The following GLI2 variants were observed in gnomAD, a reference collection of about 807,000 sequenced individuals.
The protein encoded by GLI2 is transcription activator GLI2.
A neutral mutation model predicts 78.9 loss-of-function variants in GLI2; 22 were observed. The observed-to-expected ratio is 0.28, with a 90% CI of 0.20 to 0.40. GLI2 has a LOEUF of 0.40. Among genes scored for constraint, GLI2 ranks in the 10% least tolerant of loss-of-function variants. The probability of loss-of-function intolerance (pLI) is 1.00; values close to 1 mark genes in which losing one functional copy is unlikely to be tolerated. For missense variants in GLI2, 2,097 were observed against 2,213.2 expected, an observed-to-expected ratio of 0.95 and a Z score of 1.05; for synonymous variants, 974 against 963.7, an observed-to-expected ratio of 1.01 and a Z score of -0.20.
chr2:120,975,203 G>A, intron 9 of GLI2, 94 bp downstream of exon 9: 1 of 1,257,098 alleles, frequency 8.0e-7, no homozygotes, highest in Non-Finnish European at 1.1e-6. Flanking sequence ...GACAGAAGGG[G>A]CTGGAGGAAG....
At chr2:120,830,528 C>G (rs1686308282) in intron 2 of GLI2, among the ~76,000 whole-genome samples, 1 of 152,256 alleles carries the variant, frequency 6.6e-6, no homozygotes, top group Non-Finnish European at 1.5e-5. Context: ...GGCCCCACGT[C>G]CATCCATGGG....
intron 2 of GLI2, among the ~76,000 whole-genome samples, chr2:120,829,827 G>A (rs1230122142): frequency 1.3e-5 from 2 of 152,166 alleles, no homozygotes; most frequent in East Asian, 3.9e-4. Flanking sequence ...AGTTCTCAGG[G>A]CTGGGGGCAC....
At chr2:120,788,163 C>CT (rs1421773539) in intron 1 of GLI2, among the ~76,000 whole-genome samples, 23 of 152,222 alleles carry the variant, frequency 1.5e-4, no homozygotes, top group African/African-American at 4.1e-4. Context: ...TCGACAGTTC[C>CT]TGACAGAGCT....
At chr2:120,862,571 C>A in intron 2 of GLI2, among the ~76,000 whole-genome samples, 1 of 152,200 alleles carries the variant, frequency 6.6e-6, no homozygotes, top group East Asian at 1.9e-4. Context: ...GGAGCCGGAG[C>A]CCTTGTGGGT....
chr2:120,793,043 C>A (rs12476855), intron 1 of GLI2, among the ~76,000 whole-genome samples: 16 of 152,226 alleles, frequency 1.1e-4, no homozygotes, highest in Middle Eastern at 6.8e-3. Flanking sequence ...TTCTTGCCAC[C>A]CCCTGCCTAG....
chr2:120,755,801 A>C (rs1015091438), intron 1 of GLI2, among the ~76,000 whole-genome samples: 5 of 152,148 alleles, frequency 3.3e-5, no homozygotes, highest in Non-Finnish European at 2.9e-5. Context: ...TTCTTTTAAA[A>C]AATTGTTCCA....
Position 120,811,844 on chromosome 2 carries a change from C to G in GLI2, c.148+14376C>G, listed in dbSNP as rs543776497. On this transcript the variant is annotated intron_variant, in intron 2 of 13. Coordinates refer to ENST00000361492, the MANE Select transcript of GLI2 (RefSeq NM_001374353.1). ...AGAAGATTCTTTTTCCTCCCTCCCT[C>G]CCTCCTTCCCTCCCTCTTTCCTTCT... Among the ~76,000 whole-genome samples the G allele has an allele frequency of 1.4e-4, 21 of 152,276 alleles. No individual in the cohort carries two copies. The South Asian group carries it at 4.4e-3, about 32-fold the overall frequency.
rs182255795 is a variant in GLI2 at position 120,800,738 on chromosome 2, C to T, written c.148+3270C>T. On this transcript the variant is annotated intron_variant, in intron 2 of 13. Transcript: ENST00000361492. The surrounding 1 kb of genome is among the most constrained non-coding windows in gnomAD (Gnocchi z 4.1). ...AGCCAGGATGGTCTCAATCTCCTGA[C>T]CTCATGATCCGCCCGCCTCAGCCTC... Among the ~76,000 whole-genome samples, 899 of 152,134 alleles carry T rather than the reference C, an allele frequency of 5.9e-3. 13 individuals are homozygous for T. The highest frequency in any genetic ancestry group is 0.017 in the Middle Eastern group (5 of 294).
intron 2 of GLI2, among the ~76,000 whole-genome samples, chr2:120,908,858 A>C (rs1301628330): frequency 6.6e-6 from 1 of 152,070 alleles, no homozygotes; most frequent in African/African-American, 2.4e-5. Flanking sequence ...CACTAAGGAG[A>C]GTGCTGAATG....
At chr2:120,751,541 T>C (rs540192250) in intron 1 of GLI2, among the ~76,000 whole-genome samples, 13 of 152,366 alleles carry the variant, frequency 8.5e-5, no homozygotes, top group African/African-American at 3.1e-4. Flanking sequence ...TCTGAGATTA[T>C]TAGTGTGCAT....
rs142883006 is a variant in GLI2 at position 120,859,693 on chromosome 2, G to A, written c.148+62225G>A. On this transcript the variant is annotated intron_variant, in intron 2 of 13. Transcript: ENST00000361492. ...TGGTCTCCATCTCTCGGCCTCAGGT[G>A]ATCCGCCCGCCTTGGCCTCCTAAAG... Among the ~76,000 whole-genome samples, 722 of 151,906 alleles carry A rather than the reference G, an allele frequency of 4.8e-3. 4 individuals carry two copies. Among genetic ancestry groups the A allele is most frequent in the Non-Finnish European group, 7.9e-3 (540 of 67,960 alleles).
intron 2 of GLI2, among the ~76,000 whole-genome samples, chr2:120,841,696 G>A (rs999723447): frequency 1.3e-5 from 2 of 152,240 alleles, no homozygotes; most frequent in African/African-American, 2.4e-5. Context: ...GTGCTGGCAG[G>A]ACAGAGGAGA....
chr2:120,988,425 G>A lies in GLI2; in HGVS notation c.2460G>A (p.Glu820=). 1 of 1,575,940 alleles carries A rather than the reference G, an allele frequency of 6.3e-7. No homozygotes were observed. ...ACTTCTCCAGCCGCCGCTCCAGCGA[G>A]GCCTCGCCCCTGGGCGCCGGCCGCC... ...SPYFSSRRSS[E]ASPLGAGRPH... The change falls in exon 14 of 14, where the codon GAG becomes GAA. Residue 820 remains glutamate (E), a synonymous_variant. Transcript: ENST00000361492.
intron 2 of GLI2, among the ~76,000 whole-genome samples, chr2:120,885,517 G>A (rs1478094385): frequency 6.6e-6 from 1 of 152,196 alleles, no homozygotes; most frequent in Non-Finnish European, 1.5e-5. Context: ...TGTTTTCATG[G>A]CCCTTCACTG....
intron 1 of GLI2, among the ~76,000 whole-genome samples, chr2:120,791,451 G>A (rs1489243505): frequency 3.9e-5 from 6 of 152,228 alleles, no homozygotes; most frequent in Non-Finnish European, 8.8e-5. Flanking sequence ...AGGGCCTCAG[G>A]CCGTGAGTCG....
chr2:120,757,685 T>G (rs1683073979), intron 1 of GLI2, among the ~76,000 whole-genome samples: 1 of 152,240 alleles, frequency 6.6e-6, no homozygotes, highest in Non-Finnish European at 1.5e-5. Context: ...TGTTCTGCCA[T>G]GCAAAACCCT....
chr2:120,982,023 A>T (rs1235857948), intron 10 of GLI2, among the ~76,000 whole-genome samples: 1 of 152,210 alleles, frequency 6.6e-6, no homozygotes, highest in Non-Finnish European at 1.5e-5. Context: ...AGGAGAGAGG[A>T]TAGAGTGTTG....
intron 2 of GLI2, among the ~76,000 whole-genome samples, chr2:120,815,083 T>C (rs970888001): frequency 6.6e-6 from 1 of 152,146 alleles, no homozygotes; most frequent in Non-Finnish European, 1.5e-5. Flanking sequence ...CCCCAGACCC[T>C]GAGCCCCAGG....
intron 1 of GLI2, among the ~76,000 whole-genome samples, chr2:120,752,269 A>AT (rs192674460): frequency 0.023 from 2,983 of 129,926 alleles, 88 homozygotes; most frequent in African/African-American, 0.068. Context: ...CCTATCTTTA[A>AT]TTTTTTTTTT....
Sources: allele counts gnomAD v4.1 joint callset (sites outside exome capture counted in the v4.1 genomes callset), GRCh38; gene constraint gnomAD v4.1.1; non-coding constraint Gnocchi (gnomAD v3.1); transcripts MANE v1.5; gene names NCBI Gene and HGNC (gene_info 2026-07-23, HGNC 2026-07-21).